PARD3B: variants seen among roughly 807,000 people sequenced by gnomAD.
PARD3B encodes the protein par-3 family cell polarity regulator beta.
A neutral mutation model predicts 130.2 loss-of-function variants in PARD3B; 103 were observed. The ratio of observed to expected loss-of-function variants is 0.79; its 90% CI spans 0.67 to 0.93. The LOEUF (loss-of-function observed/expected upper bound fraction) is 0.93. PARD3B is among the 40% of genes least tolerant of loss of function. The pLI, the probability that PARD3B is intolerant of heterozygous loss-of-function variation, is 0.00. For missense variants in PARD3B, 1,609 were observed against 1,499.2 expected, an observed-to-expected ratio of 1.07 and a Z score of -1.21; for synonymous variants, 583 against 553.2, an observed-to-expected ratio of 1.05 and a Z score of -0.76.
intron 18 of PARD3B, among the ~76,000 whole-genome samples, chr2:205,399,952 A>C (rs186686003): frequency 6.6e-6 from 1 of 151,906 alleles, no homozygotes; most frequent in Non-Finnish European, 1.5e-5. Flanking sequence ...CCCTGCCCTG[A>C]CTCTGGTGGG....
At chr2:205,168,320 A>AGAGAGAGAGAGAGT (rs371904121) in intron 11 of PARD3B, among the ~76,000 whole-genome samples, 2,678 of 119,452 alleles carry the variant, frequency 0.022, 49 homozygotes, top group East Asian at 0.061. Flanking sequence ...AGAGAGAGAG[A>AGAGAGAGAGAGAGT]GTGTGTGTGT....
At chr2:204,935,470 T>A (rs550848875) in intron 2 of PARD3B, among the ~76,000 whole-genome samples, 1 of 148,932 alleles carries the variant, frequency 6.7e-6, no homozygotes, top group Non-Finnish European at 1.5e-5. Context: ...ACCCGGGAGG[T>A]GGAGCTTGCA....
chr2:204,763,197 T>C lies in PARD3B; in HGVS notation c.222+76915T>C, dbSNP rs534110980. ...TTGACCTACCAGGGACAGCATGGAT[T>C]GTTAACTGCTTTCCGATGTTGACAG... On this transcript the variant is annotated intron_variant, in intron 2 of 22. Transcript: ENST00000406610. 6.6e-5 allele frequency among the ~76,000 whole-genome samples: 10 copies of C among 152,350 alleles called. 2 individuals carry two copies. Among genetic ancestry groups the C allele is most frequent in the African/African-American group, 2.4e-4 (10 of 41,588 alleles).
intron 16 of PARD3B, among the ~76,000 whole-genome samples, chr2:205,260,049 T>C (rs1481329163): frequency 6.6e-6 from 1 of 152,184 alleles, no homozygotes; most frequent in Non-Finnish European, 1.5e-5. Context: ...CAGCCACCCA[T>C]GTGGTCAGTC....
intron 2 of PARD3B, among the ~76,000 whole-genome samples, chr2:204,778,605 T>G (rs997725000): frequency 5.3e-5 from 8 of 152,110 alleles, no homozygotes; most frequent in Non-Finnish European, 1.2e-4. Flanking sequence ...GTAAGTGACT[T>G]CATAAAACTA....
chr2:204,980,726 A>C (rs763656569), intron 3 of PARD3B, among the ~76,000 whole-genome samples: 8 of 152,200 alleles, frequency 5.3e-5, no homozygotes, highest in Non-Finnish European at 1.2e-4. Flanking sequence ...ATTTTACAAA[A>C]TACCTGACAA....
intron 3 of PARD3B, among the ~76,000 whole-genome samples, chr2:205,033,023 T>C (rs1697536973): frequency 6.6e-6 from 1 of 152,208 alleles, no homozygotes; most frequent in Non-Finnish European, 1.5e-5. Flanking sequence ...TTTCTCCCTT[T>C]CTCTTCTTGC....
chr2:205,252,713 C>T (rs1318020597), intron 16 of PARD3B, among the ~76,000 whole-genome samples: 1 of 152,034 alleles, frequency 6.6e-6, no homozygotes, highest in Admixed American at 6.5e-5. Context: ...TTAGACCATA[C>T]AGACTCACAC....
At chr2:204,764,715 C>CATGTGT (rs60298501) in intron 2 of PARD3B, among the ~76,000 whole-genome samples, 1 of 145,752 alleles carries the variant, frequency 6.9e-6, no homozygotes, top group African/African-American at 2.5e-5. Flanking sequence ...GGCATGCATG[C>CATGTGT]GTGTGTGTGT....
intron 2 of PARD3B, among the ~76,000 whole-genome samples, chr2:204,884,328 A>C (rs748861541): frequency 6.6e-6 from 1 of 152,234 alleles, no homozygotes; most frequent in Non-Finnish European, 1.5e-5. Context: ...GAATGCTTTC[A>C]AATAGAATAG....
chr2:204,848,184 A>T (rs890050857), intron 2 of PARD3B, among the ~76,000 whole-genome samples: 4 of 152,150 alleles, frequency 2.6e-5, no homozygotes, highest in Non-Finnish European at 5.9e-5. Context: ...ATAGGTGAGT[A>T]TGTATAGGAA....
intron 4 of PARD3B, among the ~76,000 whole-genome samples, chr2:205,100,916 G>T (rs372659447): frequency 6.6e-6 from 1 of 152,078 alleles, no homozygotes; most frequent in Non-Finnish European, 1.5e-5. Context: ...GTACATCTTT[G>T]TGACCTTATA....
intron 19 of PARD3B, among the ~76,000 whole-genome samples, chr2:205,404,424 C>T (rs1220313648): frequency 6.6e-6 from 1 of 152,172 alleles, no homozygotes; most frequent in African/African-American, 2.4e-5. Flanking sequence ...TTGATATCCA[C>T]AGAGTGTCCT....
intron 10 of PARD3B, among the ~76,000 whole-genome samples, chr2:205,153,121 A>G (rs1335089460): frequency 1.3e-5 from 2 of 152,168 alleles, no homozygotes; most frequent in Non-Finnish European, 2.9e-5. Flanking sequence ...AGAACAGCAA[A>G]CGTTGCTGCC....
At chr2:205,059,376 A>G (rs976066084) in intron 4 of PARD3B, among the ~76,000 whole-genome samples, 2 of 152,072 alleles carry the variant, frequency 1.3e-5, no homozygotes, top group African/African-American at 4.8e-5. Context: ...ACATGTGCAA[A>G]GAAAGCTTCT....
At chr2:205,388,670 T>C (rs2045746717) in intron 18 of PARD3B, among the ~76,000 whole-genome samples, 1 of 152,234 alleles carries the variant, frequency 6.6e-6, no homozygotes, top group Non-Finnish European at 1.5e-5. Flanking sequence ...TCTACTTTTA[T>C]AAAACTATAT....
At position 205,615,808 on chromosome 2, in the gene PARD3B, G is replaced by C. The variant is rs768527488; in HGVS notation, c.3613G>C (p.Val1205Leu). The C allele has an allele frequency of 3.1e-6, 5 of 1,610,116 alleles. No individual in the cohort carries two copies. In the African/African-American group the frequency reaches 6.7e-5, roughly 22 times the overall value. Residue 1205 changes from valine (V) to leucine (L), a missense_variant, in exon 23 of 23, where the codon GTA (valine) becomes CTA (leucine). Physicochemically the swap from Val to Leu is conservative, Grantham distance 32 (BLOSUM62 1). Coordinates refer to ENST00000406610, the MANE Select transcript of PARD3B (RefSeq NM_001302769.2). ...SRQKNPMTAA[V>L] ...GCAGAAGAACCCCATGACTGCAGCC[G>C]TATAGCTGAGTGCCACCGAGGCCAG...
In PARD3B at chr2:205,193,330, G is replaced by T; in HGVS notation, c.2140+10G>T. 2 of 1,572,432 alleles carry T rather than the reference G, an allele frequency of 1.3e-6. No homozygotes were observed. The highest frequency in any genetic ancestry group is 1.8e-6 in the Non-Finnish European group (2 of 1,142,232). On this transcript the variant is annotated intron_variant, in intron 15 of 22. Transcript: ENST00000406610. The stretch of plus-strand genomic sequence containing the variant: ...AAGAGCATGGACCTTGGTAAGCAAG[G>T]GTGAGGTGACATCCAGGTCAGCTCT...
intron 21 of PARD3B, among the ~76,000 whole-genome samples, chr2:205,521,884 G>A (rs1422974835): frequency 1.3e-5 from 2 of 151,914 alleles, no homozygotes; most frequent in East Asian, 1.9e-4. Context: ...TTATCTCTTT[G>A]TAAAGATTTT....
Sources: gnomAD v4.1 joint callset for allele counts (sites outside exome capture counted in the v4.1 genomes callset) on GRCh38, gnomAD v4.1.1 for gene constraint, MANE v1.5 for transcripts, NCBI Gene and HGNC (gene_info 2026-07-23, HGNC 2026-07-21) for gene names.